PCDH1: variants seen among roughly 807,000 people sequenced by gnomAD.
The protein encoded by PCDH1 is protocadherin-1.
PCDH1 carries 23 observed loss-of-function variants against 74.6 expected under a neutral mutation model. That is an observed-to-expected ratio of 0.31 (90% CI 0.22 to 0.44). The LOEUF is 0.44. Among genes scored for constraint, PCDH1 ranks in the 20% least tolerant of loss-of-function variants. The pLI, the probability that PCDH1 is intolerant of heterozygous loss-of-function variation, is 1.00. For synonymous variants in PCDH1, 647 were observed against 686.1 expected (o/e 0.94, Z 0.89); for missense variants, 1,214 against 1,641.4 (o/e 0.74, Z 4.50).
rs1273788571 is a variant in PCDH1, at chr5:141,868,433, G to A, written c.903+136C>T. The A allele has an allele frequency of 6.3e-6, 9 of 1,425,162 alleles. No individual in the cohort carries two copies. The highest frequency in any genetic ancestry group is 8.2e-6 in the Non-Finnish European group (9 of 1,092,920). 88.3% of individuals were successfully genotyped at this position (1,425,162 alleles called of 1,614,324 possible). A position where few individuals can be genotyped will look rare whatever the true frequency, so the allele number is the denominator to read the frequency against. ...TGGGGTGGGAAAGACTCCCCTGGCT[G>A]AGTTTGGGGAGAAGGGGTCTCACTA... On this transcript the variant is annotated intron_variant, in intron 2 of 4. Coordinates refer to ENST00000287008, the MANE Select transcript of PCDH1 (RefSeq NM_032420.5). The surrounding 1 kb of genome is among the most constrained non-coding windows in gnomAD (Gnocchi z 4.8).
chr5:141,867,705 T>C lies in PCDH1; in HGVS notation c.903+864A>G, dbSNP rs531560404. The C allele has an allele frequency of 3.5e-4, 142 of 411,570 alleles. 1 individual carries two copies. The Middle Eastern group carries it at 3.8e-3, about 11-fold the overall frequency. The allele number at this position is 411,570 out of a possible 1,614,324, so 25.5% of individuals were successfully genotyped here. On this transcript the variant is annotated intron_variant, in intron 2 of 4. Transcript: ENST00000287008. ...AAGGGTTTTCCAGGATGGGTAATGGTGTCCAGGGCAGGCCGAGCCTCCTCA... is the reference window on the plus strand; with the variant it reads ...AAGGGTTTTCCAGGATGGGTAATGGCGTCCAGGGCAGGCCGAGCCTCCTCA...
rs1201429397 is a variant in PCDH1 at position 141,863,691 on chromosome 5, C to T, written c.2640G>A (p.Arg880=). Residue 880 remains arginine (R), a synonymous_variant, in exon 3 of 5, where the codon CGG becomes CGA. Transcript: ENST00000287008. This position sits in a 1 kb window ranked among gnomAD's most constrained non-coding sequence, Gnocchi z 7.5. The part of the protein sequence containing the change: ...LAVLVRYCRQ[R]EAKSGYQAGK... ...CAGCCTGGTAACCACTTTTGGCCTC[C>T]CGCTGTCTGCAGTAGCGCACAAGAA... 1.9e-6 allele frequency: 3 copies of T among 1,614,092 alleles called. No homozygotes were observed. Among genetic ancestry groups the T allele is most frequent in the Admixed American group, 1.7e-5 (1 of 60,004 alleles).
intron 4 of PCDH1, among the ~76,000 whole-genome samples, chr5:141,855,029 T>C (rs1367939078): frequency 6.6e-6 from 1 of 151,780 alleles, no homozygotes; most frequent in East Asian, 1.9e-4. Flanking sequence ...TGGAGTGCAG[T>C]GGTGTGATCT....
At chr5:141,871,566 G>C (rs1753097163) in intron 1 of PCDH1, among the ~76,000 whole-genome samples, 1 of 152,180 alleles carries the variant, frequency 6.6e-6, no homozygotes, top group Non-Finnish European at 1.5e-5. Flanking sequence ...ATTTCCTAGG[G>C]TGTTTGAGAT....
chr5:141,860,498 CAAAAAA>C (rs375427155), intron 3 of PCDH1, among the ~76,000 whole-genome samples: 1 of 115,228 alleles, frequency 8.7e-6, no homozygotes. Flanking sequence ...GACCCTGTCT[CAAAAAA>C]AAAAAAAAAA....
chr5:141,862,748 A>G, intron 3 of PCDH1: 3 of 1,005,966 alleles, frequency 3.0e-6, no homozygotes, highest in African/African-American at 3.4e-5. Context: ...CAATACACAC[A>G]GAAGGCACAA....
chr5:141,859,135 T>C (rs1752474524), intron 3 of PCDH1, among the ~76,000 whole-genome samples: 1 of 152,092 alleles, frequency 6.6e-6, no homozygotes. Context: ...CGGGAGGCTA[T>C]AAAGGAGTGT....
In PCDH1 at chr5:141,869,909, C is replaced by T. The variant is rs1028396277; in HGVS notation, c.41-478G>A. 3.6e-5 allele frequency: 20 copies of T among 560,458 alleles called. No individual in the cohort carries two copies. The highest frequency in any genetic ancestry group is 4.3e-5 in the Non-Finnish European group (19 of 441,494). The allele number at this position is 560,458 out of a possible 1,614,324, so 34.7% of individuals were successfully genotyped here. On this transcript the variant is annotated intron_variant, in intron 1 of 4. Coordinates refer to ENST00000287008, the MANE Select transcript of PCDH1 (RefSeq NM_032420.5). This position sits in a 1 kb window ranked among gnomAD's most constrained non-coding sequence, Gnocchi z 4.9. ...GCATCCCCAACTGGAGCACCCCTCC[C>T]CACATGCATGGTAGGAAAGAGACAC...
intron 2 of PCDH1, among the ~76,000 whole-genome samples, chr5:141,867,807 A>G (rs1752914229): frequency 6.6e-6 from 1 of 152,166 alleles, no homozygotes; most frequent in African/African-American, 2.4e-5. Flanking sequence ...AGGAGGCCAG[A>G]GCTGAGATGA....
chr5:141,867,616 TAAA>T (rs77455268), intron 2 of PCDH1: 935 of 407,920 alleles, frequency 2.3e-3, no homozygotes, highest in Admixed American at 3.5e-3. Context: ...CACCAGGCTC[TAAA>T]AAAAAAAAAA....
At position 141,853,447 on chromosome 5, in the gene PCDH1, G is replaced by C. The variant is rs887007684; in HGVS notation, c.*595C>G. 1.3e-5 allele frequency: 2 copies of C among 152,462 alleles called. No individual in the cohort carries two copies. The highest frequency in any genetic ancestry group is 2.9e-5 in the Non-Finnish European group (2 of 68,284). 9.4% of individuals were successfully genotyped at this position (152,462 alleles called of 1,614,324 possible). On this transcript the variant is annotated 3_prime_UTR_variant, in exon 5 of 5. Transcript: ENST00000287008. ...GGGAATGGGGGCCCAGATGGGACTA[G>C]GCGTGGGCATGTGGCAGGCAGGTGG...
At chr5:141,874,091 G>A (rs758137262) in intron 1 of PCDH1, among the ~76,000 whole-genome samples, 1 of 152,134 alleles carries the variant, frequency 6.6e-6, no homozygotes, top group African/African-American at 2.4e-5. Context: ...TGTCACACCC[G>A]CCTCCCCACC....
rs1010952339 is a variant in PCDH1 at position 141,868,034 on chromosome 5, C to G, written c.903+535G>C. ...AGGGGAGGAGGCATGTATACAGACA[C>G]CCTAGTATGTTTTTTCAGAACTCTG... On this transcript the variant is annotated intron_variant, in intron 2 of 4. Coordinates refer to ENST00000287008, the MANE Select transcript of PCDH1 (RefSeq NM_032420.5). The surrounding 1 kb of genome is among the most constrained non-coding windows in gnomAD (Gnocchi z 4.8). Among the ~76,000 whole-genome samples, 86 of 152,312 alleles carry G rather than the reference C, an allele frequency of 5.6e-4. No individual in the cohort carries two copies. The highest frequency in any genetic ancestry group is 3.4e-3 in the Middle Eastern group (1 of 294).
chr5:141,869,682 C>G lies in PCDH1; in HGVS notation c.41-251G>C, dbSNP rs1020639756. ...GGCCTGGCATGCCTAGAGCAGCTCC[C>G]GCCCATGGAACACCCTCACCCACCT... On this transcript the variant is annotated intron_variant, in intron 1 of 4. Transcript: ENST00000287008. This position sits in a 1 kb window ranked among gnomAD's most constrained non-coding sequence, Gnocchi z 4.9. The G allele has an allele frequency of 5.6e-5, 85 of 1,519,884 alleles. No individual in the cohort carries two copies. The South Asian group carries it at 9.6e-4, about 17-fold the overall frequency. 94.1% of individuals were successfully genotyped at this position (1,519,884 alleles called of 1,614,324 possible). A position where few individuals can be genotyped will look rare whatever the true frequency, so the allele number is the denominator to read the frequency against.
intron 3 of PCDH1, among the ~76,000 whole-genome samples, chr5:141,857,936 T>G (rs1752413207): frequency 6.6e-6 from 1 of 152,122 alleles, no homozygotes; most frequent in Non-Finnish European, 1.5e-5. Context: ...AACACCAGCA[T>G]AGCCTGCAGT....
Position 141,865,160 on chromosome 5 carries a change from C to T in PCDH1, c.1171G>A (p.Gly391Ser). The change falls in exon 3 of 5, where the codon GGC (glycine) becomes AGC (serine). Residue 391 changes from glycine to serine, a missense_variant. Around this residue, in one of 4 missense-constraint regions of PCDH1, gnomAD observed 836 missense variants for 1,182.2 expected, o/e 0.71. Coordinates refer to ENST00000287008, the MANE Select transcript of PCDH1 (RefSeq NM_032420.5). The surrounding 1 kb of genome is among the most constrained non-coding windows in gnomAD (Gnocchi z 4.4). ...TCTTGATGAGTCACTAGCCCTATGC[C>T]CCGGATCTCAATGGTGGGGGCATTG... ...NDNAPTIEIR[G>S]IGLVTHQDGM... 1 of 1,614,110 alleles carries T rather than the reference C, an allele frequency of 6.2e-7. No homozygotes were observed. Among genetic ancestry groups the T allele is most frequent in the Non-Finnish European group, 8.5e-7 (1 of 1,180,032 alleles).
chr5:141,865,499 C>T lies in PCDH1; in HGVS notation c.904-72G>A. On this transcript the variant is annotated intron_variant, in intron 2 of 4. Transcript: ENST00000287008. The surrounding 1 kb of genome is among the most constrained non-coding windows in gnomAD (Gnocchi z 4.4). ...CAGGGATAGCAAATAAAGGGGCACA[C>T]ATGCTGCCAATGTCCTTTCCAACAA... 6.7e-7 allele frequency: 1 copy of T among 1,500,518 alleles called. No individual in the cohort carries two copies. The highest frequency in any genetic ancestry group is 1.4e-5 in the African/African-American group (1 of 72,696). The allele number at this position is 1,500,518 out of a possible 1,614,324, so 93.0% of individuals were successfully genotyped here.
intron 3 of PCDH1, among the ~76,000 whole-genome samples, chr5:141,861,335 T>C (rs1180919207): frequency 6.6e-6 from 1 of 152,092 alleles, no homozygotes; most frequent in East Asian, 1.9e-4. Context: ...TGTGTGTTGA[T>C]GATGACAACA....
chr5:141,862,033 G>A (rs983264456), intron 3 of PCDH1, among the ~76,000 whole-genome samples: 11 of 151,432 alleles, frequency 7.3e-5, no homozygotes, highest in Non-Finnish European at 1.3e-4. Flanking sequence ...TTAGGAATTC[G>A]CCATGTCTCC....
Sources: gnomAD v4.1 joint callset for allele counts (sites outside exome capture counted in the v4.1 genomes callset) on GRCh38, gnomAD v4.1.1 for gene constraint, gnomAD v4.1.1 regional missense constraint, Gnocchi (gnomAD v3.1) non-coding constraint, MANE v1.5 for transcripts, NCBI Gene and HGNC (gene_info 2026-07-23, HGNC 2026-07-21) for gene names.